The following DRC11 variants were observed in gnomAD, a reference collection of about 807,000 sequenced individuals.
DRC11 encodes IQ and AAA domain-containing protein 1.
At chr2:236,357,588 T>C in the DRC11 span, among the ~76,000 whole-genome samples, 5 of 126,854 alleles carry the variant, frequency 3.9e-5, no homozygotes, top group Admixed American at 2.5e-4. Flanking sequence ...ATATTATAAA[T>C]ATGCATTTAT....
chr2:236,481,985 CATATTATAT>C, the DRC11 span, among the ~76,000 whole-genome samples: 1 of 145,722 alleles, frequency 6.9e-6, no homozygotes, highest in African/African-American at 2.5e-5. Context: ...TATAATTCTA[CATATTATAT>C]GTATAATTCT....
chr2:236,482,103 T>C, the DRC11 span, among the ~76,000 whole-genome samples: 1 of 148,570 alleles, frequency 6.7e-6, no homozygotes, highest in Non-Finnish European at 1.5e-5. This position sits in a 1 kb window ranked among gnomAD's most constrained non-coding sequence, Gnocchi z 4.5. Flanking sequence ...TGTATAATTC[T>C]ACATATTATA....
the DRC11 span, among the ~76,000 whole-genome samples, chr2:236,495,947 C>G: frequency 6.6e-6 from 1 of 152,152 alleles, no homozygotes; most frequent in Admixed American, 6.5e-5. The surrounding 1 kb of genome is among the most constrained non-coding windows in gnomAD (Gnocchi z 5.6). Flanking sequence ...CTGGCTGATG[C>G]AGCAGGAAAG....
the DRC11 span, among the ~76,000 whole-genome samples, chr2:236,357,699 G>GATATGTAAATATGTATTTATA: frequency 1.2e-5 from 1 of 84,668 alleles, no homozygotes; most frequent in South Asian, 3.4e-4. Context: ...GTAAATATCT[G>GATATGTAAATATGTATTTATA]ATATGTAAAT....
chr2:236,496,472 C>T, the DRC11 span, among the ~76,000 whole-genome samples: 1 of 152,196 alleles, frequency 6.6e-6, no homozygotes, highest in African/African-American at 2.4e-5. This position sits in a 1 kb window ranked among gnomAD's most constrained non-coding sequence, Gnocchi z 6.3. Flanking sequence ...TGGCCAGTGG[C>T]CCCGGCAGCC....
the DRC11 span, among the ~76,000 whole-genome samples, chr2:236,313,490 G>C: frequency 6.6e-6 from 1 of 152,124 alleles, no homozygotes; most frequent in African/African-American, 2.4e-5. This position sits in a 1 kb window ranked among gnomAD's most constrained non-coding sequence, Gnocchi z 4.5. Context: ...ACGGAAGATG[G>C]TTTGACAGTC....
chr2:236,484,869 C>A, the DRC11 span, among the ~76,000 whole-genome samples: 2 of 152,220 alleles, frequency 1.3e-5, no homozygotes, highest in Non-Finnish European at 2.9e-5. Flanking sequence ...TCTCAGCCCC[C>A]ATTCCTTGGT....
chr2:236,456,517 AC>A, the DRC11 span, among the ~76,000 whole-genome samples: 847 of 152,244 alleles, frequency 5.6e-3, 8 homozygotes, highest in African/African-American at 0.019. This position sits in a 1 kb window ranked among gnomAD's most constrained non-coding sequence, Gnocchi z 5.4. Context: ...CCTGCTGAGG[AC>A]CCCGATAACC....
At chr2:236,501,807 G>A in the DRC11 span, among the ~76,000 whole-genome samples, 1 of 152,132 alleles carries the variant, frequency 6.6e-6, no homozygotes, top group African/African-American at 2.4e-5. Context: ...ACATTCAAGA[G>A]GAAAATGACA....
At chr2:236,371,304 G>A in the DRC11 span, among the ~76,000 whole-genome samples, 2 of 152,256 alleles carry the variant, frequency 1.3e-5, no homozygotes, top group South Asian at 4.2e-4. This position sits in a 1 kb window ranked among gnomAD's most constrained non-coding sequence, Gnocchi z 5.1. Flanking sequence ...TGTTGTCAAG[G>A]TGTTAAAAAG....
chr2:236,331,266 G>T, the DRC11 span: 1 of 928,830 alleles, frequency 1.1e-6, no homozygotes, highest in South Asian at 1.4e-5. This position sits in a 1 kb window ranked among gnomAD's most constrained non-coding sequence, Gnocchi z 4.8. Context: ...ATATGGCCGA[G>T]TTCCAATTCA....
the DRC11 span, among the ~76,000 whole-genome samples, chr2:236,340,826 A>G: frequency 1.3e-5 from 2 of 152,194 alleles, no homozygotes; most frequent in Non-Finnish European, 2.9e-5. Context: ...GATTCTGGGC[A>G]ATGTCCAGAG....
chr2:236,366,975 ATTTTTTT>A, the DRC11 span, among the ~76,000 whole-genome samples: 182 of 127,388 alleles, frequency 1.4e-3, no homozygotes, highest in African/African-American at 5.3e-3. Context: ...ACACCCGGCT[ATTTTTTT>A]TTTTTTTTTT....
the DRC11 span, among the ~76,000 whole-genome samples, chr2:236,357,474 GTATATTTA>G: frequency 6.4e-5 from 8 of 124,572 alleles, no homozygotes; most frequent in Admixed American, 7.0e-4. Context: ...CATATTACAT[GTATATTTA>G]TATATTATAA....
chr2:236,415,145 ATTATCCTATC>A, the DRC11 span, among the ~76,000 whole-genome samples: 10 of 152,246 alleles, frequency 6.6e-5, no homozygotes, highest in Admixed American at 3.3e-4. This position sits in a 1 kb window ranked among gnomAD's most constrained non-coding sequence, Gnocchi z 5.7. Flanking sequence ...TTCAGATAGG[ATTATCCTATC>A]TAATCCTATC....
At chr2:236,357,982 A>G in the DRC11 span, among the ~76,000 whole-genome samples, 2 of 115,094 alleles carry the variant, frequency 1.7e-5, no homozygotes, top group Admixed American at 1.0e-4. Flanking sequence ...ATATACTCAT[A>G]TATAAATATA....
At chr2:236,405,003 C>T in the DRC11 span, among the ~76,000 whole-genome samples, 16 of 152,276 alleles carry the variant, frequency 1.1e-4, no homozygotes, top group African/African-American at 3.6e-4. This position sits in a 1 kb window ranked among gnomAD's most constrained non-coding sequence, Gnocchi z 4.6. Flanking sequence ...GCACTAATCT[C>T]AATCACAGGG....
At chr2:236,320,423 T>A in the DRC11 span, among the ~76,000 whole-genome samples, 1 of 152,230 alleles carries the variant, frequency 6.6e-6, no homozygotes, top group South Asian at 2.1e-4. Context: ...TGTGACCACC[T>A]ACCACAATTA....
chr2:236,392,392 T>G, the DRC11 span: 6 of 1,145,332 alleles, frequency 5.2e-6, no homozygotes, highest in East Asian at 1.5e-4. The surrounding 1 kb of genome is among the most constrained non-coding windows in gnomAD (Gnocchi z 5.1). Context: ...AGAAAAAATT[T>G]TAAAAAGATA....
Sources: allele counts gnomAD v4.1 joint callset (sites outside exome capture counted in the v4.1 genomes callset), GRCh38; gene constraint gnomAD v4.1.1; non-coding constraint Gnocchi (gnomAD v3.1); transcripts MANE v1.5; gene names NCBI Gene and HGNC (gene_info 2026-07-23, HGNC 2026-07-21).